CELF2: variants seen among roughly 807,000 people sequenced by gnomAD.
CELF2 encodes the protein CUG triplet repeat RNA-binding protein 2.
A neutral mutation model predicts 62.6 loss-of-function variants in CELF2; 8 were observed. The ratio of observed to expected loss-of-function variants is 0.13; its 90% CI spans 0.07 to 0.23. The LOEUF is 0.23. CELF2 is among the 10% of genes least tolerant of loss of function. The pLI, the probability that CELF2 is intolerant of heterozygous loss-of-function variation, is 1.00. For synonymous variants in CELF2, 258 were observed against 250.0 expected, an observed-to-expected ratio of 1.03 and a Z score of -0.30; for missense variants, 333 against 671.0, an observed-to-expected ratio of 0.50 and a Z score of 5.56.
chr10:11,113,456 CAG>C (rs1397585161), intron 1 of CELF2, among the ~76,000 whole-genome samples: 1 of 152,106 alleles, frequency 6.6e-6, no homozygotes, highest in African/African-American at 2.4e-5. Flanking sequence ...AGAAACATAT[CAG>C]AGGGTGGAGG....
chr10:10,659,081 C>T, the CELF2 span, among the ~76,000 whole-genome samples: 1 of 152,138 alleles, frequency 6.6e-6, no homozygotes, highest in African/African-American at 2.4e-5. Flanking sequence ...CAAACAGAAG[C>T]TACCTAGACC....
chr10:10,691,151 C>T, the CELF2 span, among the ~76,000 whole-genome samples: 1 of 149,138 alleles, frequency 6.7e-6, no homozygotes, highest in African/African-American at 2.5e-5. Context: ...TGCTATCCCT[C>T]CCCTCTCCCC....
At chr10:10,571,085 G>A in the CELF2 span, among the ~76,000 whole-genome samples, 4 of 152,072 alleles carry the variant, frequency 2.6e-5, no homozygotes, top group African/African-American at 7.2e-5. Context: ...TTACATAACC[G>A]TCGGCCTTTT....
chr10:10,756,513 TA>T, the CELF2 span, among the ~76,000 whole-genome samples: 1 of 152,242 alleles, frequency 6.6e-6, no homozygotes, highest in Non-Finnish European at 1.5e-5. Flanking sequence ...ATCTATGCCA[TA>T]TCATATATTT....
At chr10:10,488,690 C>T in the CELF2 span, among the ~76,000 whole-genome samples, 1 of 152,088 alleles carries the variant, frequency 6.6e-6, no homozygotes, top group South Asian at 2.1e-4. Context: ...TCTTTCTCAA[C>T]AGAGATTTGT....
intron 1 of CELF2, chr10:10,798,845 C>G: frequency 2.5e-6 from 1 of 398,934 alleles, no homozygotes; most frequent in Non-Finnish European, 4.4e-6. Flanking sequence ...TCTCTTGCAT[C>G]CTGGTTTGAG....
At chr10:10,729,885 G>A in the CELF2 span, among the ~76,000 whole-genome samples, 1 of 152,152 alleles carries the variant, frequency 6.6e-6, no homozygotes, top group Non-Finnish European at 1.5e-5. Context: ...AGTGAAACCT[G>A]TGTATGACTC....
At chr10:10,882,361 A>G (rs1366663275) in intron 1 of CELF2, among the ~76,000 whole-genome samples, 1 of 152,240 alleles carries the variant, frequency 6.6e-6, no homozygotes, top group East Asian at 1.9e-4. Flanking sequence ...CAGAACTGAA[A>G]TGTGGTTTCC....
At chr10:10,786,799 C>G in the CELF2 span, 1 of 152,146 alleles carries the variant, frequency 6.6e-6, no homozygotes, top group Non-Finnish European at 1.5e-5. Flanking sequence ...GTGAATTTAA[C>G]CATTCTCTAC....
chr10:11,071,605 G>A (rs2070038166), intron 1 of CELF2: 1 of 152,164 alleles, frequency 6.6e-6, no homozygotes, highest in African/African-American at 2.4e-5. Flanking sequence ...CAATCTGTCA[G>A]TACACAGCCA....
chr10:10,520,293 T>TG, the CELF2 span, among the ~76,000 whole-genome samples: 1 of 152,160 alleles, frequency 6.6e-6, no homozygotes, highest in Non-Finnish European at 1.5e-5. Context: ...CAACATTCAC[T>TG]GATGTCAACA....
chr10:10,502,373 C>T, the CELF2 span, among the ~76,000 whole-genome samples: 4 of 151,808 alleles, frequency 2.6e-5, no homozygotes, highest in Non-Finnish European at 5.9e-5. Context: ...GTATTAGGGT[C>T]CCAAATTCTC....
intron 2 of CELF2, among the ~76,000 whole-genome samples, chr10:10,991,815 C>T (rs774189540): frequency 6.6e-6 from 1 of 152,162 alleles, no homozygotes; most frequent in Non-Finnish European, 1.5e-5. Context: ...CATAATTGTG[C>T]ACAGATCCCA....
At position 11,012,300 on chromosome 10, in the gene CELF2, A is replaced by T. The variant is rs577514601; in HGVS notation, c.53+6860A>T. On this transcript the variant is annotated intron_variant, in intron 1 of 12. Coordinates refer to the CELF2 transcript ENST00000416382. This position sits in a 1 kb window ranked among gnomAD's most constrained non-coding sequence, Gnocchi z 5.5. ...GACCACGAGCTCTTTGGGAGGGATC[A>T]GTTACCATAGTGAGTCAAGTAGATT... 5.4e-4 allele frequency among the ~76,000 whole-genome samples: 83 copies of T among 152,354 alleles called. No homozygotes were observed. The highest frequency in any genetic ancestry group is 9.8e-4 in the Admixed American group (15 of 15,304).
In CELF2 at chr10:10,928,206, A is replaced by G. The variant is rs187159673; in HGVS notation, c.89+8207A>G. Among the ~76,000 whole-genome samples the G allele has an allele frequency of 1.3e-5, 2 of 152,154 alleles. No individual in the cohort carries two copies. Among genetic ancestry groups the G allele is most frequent in the Non-Finnish European group, 2.9e-5 (2 of 68,020 alleles). On this transcript the variant is annotated intron_variant, in intron 2 of 13. Transcript: ENST00000636488. This position sits in a 1 kb window ranked among gnomAD's most constrained non-coding sequence, Gnocchi z 4.8. ...TCCCTTCCCCCTTAGCTCCAGAACA[A>G]TGTCTCCCTTGCCTGTCCGGTTTAT...
At chr10:10,981,309 G>A (rs940379170) in intron 2 of CELF2, among the ~76,000 whole-genome samples, 2 of 152,164 alleles carry the variant, frequency 1.3e-5, no homozygotes, top group Non-Finnish European at 2.9e-5. Flanking sequence ...CGTACTCCCT[G>A]TCAAAACATT....
chr10:10,752,802 TAAAAAAAAA>T, the CELF2 span, among the ~76,000 whole-genome samples: 4 of 116,556 alleles, frequency 3.4e-5, no homozygotes, highest in Non-Finnish European at 6.8e-5. Flanking sequence ...ATACCGGTAG[TAAAAAAAAA>T]AAAAAAAAAA....
chr10:11,106,945 G>A (rs1283906207), intron 1 of CELF2, among the ~76,000 whole-genome samples: 1 of 152,242 alleles, frequency 6.6e-6, no homozygotes, highest in African/African-American at 2.4e-5. Flanking sequence ...GCAGGGGAGA[G>A]CTCCAGTGCT....
chr10:11,326,469 G>A (rs770402660), intron 12 of CELF2, among the ~76,000 whole-genome samples: 1 of 152,228 alleles, frequency 6.6e-6, no homozygotes, highest in Non-Finnish European at 1.5e-5. Flanking sequence ...GCTGCATGAT[G>A]AGATCTGAAG....
Sources: gnomAD v4.1 joint callset for allele counts (sites outside exome capture counted in the v4.1 genomes callset) on GRCh38, gnomAD v4.1.1 for gene constraint, Gnocchi (gnomAD v3.1) non-coding constraint, MANE v1.5 for transcripts, NCBI Gene and HGNC (gene_info 2026-07-23, HGNC 2026-07-21) for gene names.